The following EEIG1 variants were observed in gnomAD, a reference collection of about 807,000 sequenced individuals.
EEIG1 encodes the protein early estrogen-induced gene 1 protein.
chr9:127,980,047 G>A, the EEIG1 span: 1 of 1,613,766 alleles, frequency 6.2e-7, no homozygotes, highest in Non-Finnish European at 8.5e-7. Context: ...TTGCAGAAGA[G>A]GACCCCGTTC....
the EEIG1 span, among the ~76,000 whole-genome samples, chr9:127,978,399 G>C: frequency 6.6e-6 from 1 of 152,186 alleles, no homozygotes; most frequent in African/African-American, 2.4e-5. Context: ...TGGGCTCTCA[G>C]AACAGGGAGG....
chr9:127,944,694 C>T, the EEIG1 span: 1 of 1,613,064 alleles, frequency 6.2e-7, no homozygotes, highest in Non-Finnish European at 8.5e-7. Context: ...TCTGTGGGGA[C>T]ACAGGAGAGG....
the EEIG1 span, chr9:127,948,484 G>T: frequency 6.7e-7 from 1 of 1,497,724 alleles, no homozygotes. Context: ...GCCCCCTGCA[G>T]CCTTTCGGCT....
chr9:127,964,727 C>T, the EEIG1 span, among the ~76,000 whole-genome samples: 2 of 152,196 alleles, frequency 1.3e-5, no homozygotes, highest in South Asian at 2.1e-4. Context: ...GTGCCCAGCA[C>T]GAAGCCCTGC....
the EEIG1 span, among the ~76,000 whole-genome samples, chr9:127,950,002 G>A: frequency 6.6e-6 from 1 of 152,148 alleles, no homozygotes; most frequent in African/African-American, 2.4e-5. Context: ...ACTGGCTGGT[G>A]GTCAGGTGCC....
At chr9:127,941,672 G>C in the EEIG1 span, 1 of 152,158 alleles carries the variant, frequency 6.6e-6, no homozygotes, top group Non-Finnish European at 1.5e-5. Context: ...GGGAGCTAGG[G>C]AAGGAACCCT....
chr9:127,971,421 T>C, the EEIG1 span, among the ~76,000 whole-genome samples: 2 of 151,998 alleles, frequency 1.3e-5, no homozygotes, highest in African/African-American at 2.4e-5. Flanking sequence ...ACCCAAACCA[T>C]TGATGCCCCC....
At chr9:127,953,984 T>G in the EEIG1 span, 1 of 1,603,280 alleles carries the variant, frequency 6.2e-7, no homozygotes, top group Non-Finnish European at 8.5e-7. Context: ...GGGGACTCCA[T>G]GTGGTACCAG....
the EEIG1 span, chr9:127,944,543 T>G: frequency 9.0e-7 from 1 of 1,115,766 alleles, no homozygotes; most frequent in South Asian, 1.3e-5. Context: ...GCCAGGTGAG[T>G]GGACTGTGGG....
At chr9:127,944,704 G>A in the EEIG1 span, 3 of 1,612,748 alleles carry the variant, frequency 1.9e-6, no homozygotes, top group Non-Finnish European at 2.5e-6. Context: ...CACAGGAGAG[G>A]ATGGAGGCTG....
the EEIG1 span, chr9:127,979,861 A>G: frequency 1.7e-6 from 2 of 1,164,488 alleles, no homozygotes; most frequent in Non-Finnish European, 2.3e-6. Flanking sequence ...GCCTTGTGCA[A>G]CCTGCCCCAG....
At chr9:127,967,254 A>T in the EEIG1 span, among the ~76,000 whole-genome samples, 1 of 152,122 alleles carries the variant, frequency 6.6e-6, no homozygotes, top group African/African-American at 2.4e-5. Context: ...CAGAACTTCC[A>T]AAGATGAGCG....
At chr9:127,944,792 C>G in the EEIG1 span, 1 of 1,612,164 alleles carries the variant, frequency 6.2e-7, no homozygotes, top group East Asian at 2.2e-5. Flanking sequence ...GTGTTGCTGC[C>G]ATCTGTGAAA....
the EEIG1 span, among the ~76,000 whole-genome samples, chr9:127,968,786 G>C: frequency 6.6e-6 from 1 of 152,168 alleles, no homozygotes. Flanking sequence ...ACTCAGACCT[G>C]TTTTCCTAGC....
At chr9:127,970,773 CCT>C in the EEIG1 span, among the ~76,000 whole-genome samples, 7 of 93,850 alleles carry the variant, frequency 7.5e-5, no homozygotes, top group African/African-American at 1.7e-4. Context: ...CCAGCCAGCC[CCT>C]CTTTCCCGCT....
At chr9:127,949,948 C>T in the EEIG1 span, among the ~76,000 whole-genome samples, 9 of 152,212 alleles carry the variant, frequency 5.9e-5, no homozygotes, top group Non-Finnish European at 1.2e-4. Flanking sequence ...GCCAGGCTAC[C>T]ACGTGTCACT....
chr9:127,968,855 T>C, the EEIG1 span, among the ~76,000 whole-genome samples: 1 of 152,200 alleles, frequency 6.6e-6, no homozygotes, highest in African/African-American at 2.4e-5. Context: ...GGCTGGAGTG[T>C]GAGGCCCTGA....
the EEIG1 span, among the ~76,000 whole-genome samples, chr9:127,964,344 C>T: frequency 6.6e-6 from 1 of 152,232 alleles, no homozygotes; most frequent in African/African-American, 2.4e-5. Flanking sequence ...CCAGCCTGAT[C>T]CAGCATTACT....
the EEIG1 span, among the ~76,000 whole-genome samples, chr9:127,977,732 C>G: frequency 6.6e-6 from 1 of 152,210 alleles, no homozygotes; most frequent in African/African-American, 2.4e-5. Context: ...TTCAGAGGCA[C>G]AAAAGGGTTG....
Sources: gnomAD v4.1 joint callset for allele counts (sites outside exome capture counted in the v4.1 genomes callset) on GRCh38, gnomAD v4.1.1 for gene constraint, MANE v1.5 for transcripts, NCBI Gene and HGNC (gene_info 2026-07-23, HGNC 2026-07-21) for gene names.